NSUN3: variants seen among roughly 807,000 people sequenced by gnomAD.
NSUN3 encodes NOP2/Sun RNA methyltransferase 3.
A neutral mutation model predicts 36.8 loss-of-function variants in NSUN3; 24 were observed. The observed-to-expected ratio is 0.65, with a 90% CI of 0.47 to 0.92. The LOEUF (loss-of-function observed/expected upper bound fraction) is 0.92. NSUN3 is among the 40% of genes least tolerant of loss of function. The pLI, the probability that NSUN3 is intolerant of heterozygous loss-of-function variation, is 0.00. For missense variants in NSUN3, 381 were observed against 392.8 expected, an observed-to-expected ratio of 0.97 and a Z score of 0.25; for synonymous variants, 146 against 145.2, an observed-to-expected ratio of 1.01 and a Z score of -0.04.
intron 5 of NSUN3, among the ~76,000 whole-genome samples, chr3:94,097,738 A>G (rs1173506836): frequency 2.6e-5 from 4 of 152,096 alleles, no homozygotes; most frequent in Non-Finnish European, 5.9e-5. Flanking sequence ...GACATTTGTG[A>G]TCAGAGGCTT....
chr3:94,130,586 C>T lies in NSUN3; in HGVS notation c.*4096C>T, dbSNP rs1462547428. On this transcript the variant is annotated 3_prime_UTR_variant, in exon 6 of 6. Transcript: ENST00000314622. ...ACATGGTCTTGTAACATGTTATTTT[C>T]TTAGATCACTGGTTTCTCAGAACAT... Among the ~76,000 whole-genome samples the T allele has an allele frequency of 1.3e-5, 2 of 152,124 alleles. No homozygotes were observed. Among genetic ancestry groups the T allele is most frequent in the African/African-American group, 4.8e-5 (2 of 41,430 alleles).
At chr3:94,121,865 C>T (rs951717535) in intron 5 of NSUN3, among the ~76,000 whole-genome samples, 3 of 152,162 alleles carry the variant, frequency 2.0e-5, no homozygotes, top group East Asian at 3.8e-4. Context: ...ATATAACTGG[C>T]CAGGCGTGGT....
chr3:94,070,507 A>G (rs2077221334), intron 2 of NSUN3, among the ~76,000 whole-genome samples: 1 of 152,164 alleles, frequency 6.6e-6, no homozygotes, highest in South Asian at 2.1e-4. Context: ...AGGGAGGAGC[A>G]ACAATGAGTG....
intron 2 of NSUN3, among the ~76,000 whole-genome samples, chr3:94,075,519 C>T (rs2077242234): frequency 6.6e-6 from 1 of 152,154 alleles, no homozygotes; most frequent in South Asian, 2.1e-4. Flanking sequence ...TGTATTTATA[C>T]TTCATGGCTC....
intron 5 of NSUN3, among the ~76,000 whole-genome samples, chr3:94,123,636 C>G (rs2077473255): frequency 6.6e-6 from 1 of 152,126 alleles, no homozygotes; most frequent in Non-Finnish European, 1.5e-5. Flanking sequence ...CCACCCCCTC[C>G]TCTTAACTCT....
chr3:94,070,229 G>A (rs1276352467), intron 2 of NSUN3, among the ~76,000 whole-genome samples: 1 of 152,128 alleles, frequency 6.6e-6, no homozygotes, highest in African/African-American at 2.4e-5. Flanking sequence ...ATTTGCTTGA[G>A]GGCGGGAAGA....
intron 3 of NSUN3, among the ~76,000 whole-genome samples, chr3:94,090,430 T>C (rs528959728): frequency 6.6e-6 from 1 of 152,344 alleles, no homozygotes; most frequent in South Asian, 2.1e-4. Context: ...AGACTATATA[T>C]AATTTAATGA....
Position 94,106,645 on chromosome 3 carries a change from G to A in NSUN3, c.743+11491G>A, listed in dbSNP as rs530126503. On this transcript the variant is annotated intron_variant, in intron 5 of 5. Transcript: ENST00000314622. Reference sequence around the variant, plus strand: ...TTTCACCTTAATGTTTTCTTTGGTCGTAGTGTATAATAGTGGTCGGGGTTT... The same window carrying A: ...TTTCACCTTAATGTTTTCTTTGGTCATAGTGTATAATAGTGGTCGGGGTTT... Among the ~76,000 whole-genome samples, 21 of 152,204 alleles carry A rather than the reference G, an allele frequency of 1.4e-4. No individual in the cohort carries two copies. The East Asian group carries it at 2.3e-3, about 17-fold the overall frequency.
intron 5 of NSUN3, among the ~76,000 whole-genome samples, chr3:94,124,020 T>C (rs139444585): frequency 0.014 from 2,091 of 152,268 alleles, 47 homozygotes; most frequent in African/African-American, 0.047. Flanking sequence ...TATGTTTATC[T>C]TTGTATATGT....
chr3:94,073,991 G>A (rs984864712), intron 2 of NSUN3, among the ~76,000 whole-genome samples: 10 of 152,188 alleles, frequency 6.6e-5, no homozygotes, highest in African/African-American at 2.4e-4. Context: ...GTGTAAGGAA[G>A]GGGTCCAGTT....
intron 2 of NSUN3, among the ~76,000 whole-genome samples, chr3:94,074,053 G>A (rs1426646020): frequency 6.6e-6 from 1 of 152,158 alleles, no homozygotes; most frequent in Non-Finnish European, 1.5e-5. Flanking sequence ...TTATTAAATA[G>A]GGAATCCTTT....
At chr3:94,093,093 T>A (rs2077322780) in intron 3 of NSUN3, among the ~76,000 whole-genome samples, 1 of 151,776 alleles carries the variant, frequency 6.6e-6, no homozygotes, top group Non-Finnish European at 1.5e-5. Flanking sequence ...ACTGGGGAAA[T>A]AGTGGGAGAT....
intron 3 of NSUN3, chr3:94,085,463 G>A (rs1197091946): frequency 2.0e-5 from 3 of 152,200 alleles, no homozygotes; most frequent in African/African-American, 7.2e-5. Flanking sequence ...CAGATAAGAA[G>A]ATGGAAATGT....
chr3:94,112,216 T>G (rs1486188545), intron 5 of NSUN3, among the ~76,000 whole-genome samples: 3 of 152,190 alleles, frequency 2.0e-5, no homozygotes, highest in Non-Finnish European at 4.4e-5. Flanking sequence ...AAAAACACCC[T>G]CACAGACACA....
intron 5 of NSUN3, among the ~76,000 whole-genome samples, chr3:94,100,602 T>C (rs997216080): frequency 6.6e-6 from 1 of 152,160 alleles, no homozygotes; most frequent in African/African-American, 2.4e-5. Flanking sequence ...TCAAAATTGC[T>C]AAAAGAATAG....
At position 94,092,088 on chromosome 3, in the gene NSUN3, G is replaced by GT. The variant is rs753356178; in HGVS notation, c.467-2044dup. On this transcript the variant is annotated intron_variant, in intron 3 of 5. Transcript: ENST00000314622. Reference sequence around the variant, plus strand: ...AATACCTGGCCTTGGGTACTGTCTGGTTTTTTTTAGCAGTTGCCTGAAGGG... The same window carrying GT: ...AATACCTGGCCTTGGGTACTGTCTGGTTTTTTTTTAGCAGTTGCCTGAAGGG... 6.0e-4 allele frequency among the ~76,000 whole-genome samples: 92 copies of GT among 152,156 alleles called. 1 individual carries two copies. Among genetic ancestry groups the GT allele is most frequent in the South Asian group, 1.0e-3 (5 of 4,810 alleles).
intron 3 of NSUN3, among the ~76,000 whole-genome samples, chr3:94,087,939 G>A (rs563389948): frequency 1.0e-3 from 159 of 152,252 alleles, no homozygotes; most frequent in African/African-American, 3.8e-3. Flanking sequence ...AAAATGCTGG[G>A]ATTACAGATG....
intron 2 of NSUN3, among the ~76,000 whole-genome samples, chr3:94,078,274 T>G (rs911102405): frequency 7.9e-5 from 12 of 152,218 alleles, no homozygotes; most frequent in Admixed American, 2.6e-4. Flanking sequence ...TAATCCTGAG[T>G]TCTAATTTGA....
At chr3:94,114,544 T>C (rs1009082151) in intron 5 of NSUN3, among the ~76,000 whole-genome samples, 1 of 152,234 alleles carries the variant, frequency 6.6e-6, no homozygotes, top group Non-Finnish European at 1.5e-5. Context: ...GTTTGATTTC[T>C]GGACCAAATC....
Sources: allele counts gnomAD v4.1 joint callset (sites outside exome capture counted in the v4.1 genomes callset), GRCh38; gene constraint gnomAD v4.1.1; transcripts MANE v1.5; gene names NCBI Gene and HGNC (gene_info 2026-07-23, HGNC 2026-07-21).